The following SASH1 variants were observed in gnomAD, a reference collection of about 807,000 sequenced individuals.
SASH1 encodes SAM and SH3 domain-containing protein 1.
Under a neutral mutation model 125.2 loss-of-function variants are expected in SASH1, and 44 were observed. The observed-to-expected ratio is 0.35, with a 90% CI of 0.28 to 0.45. SASH1 has a LOEUF of 0.45. Among genes scored for constraint, SASH1 ranks in the 20% least tolerant of loss-of-function variants. The pLI, the probability that SASH1 is intolerant of heterozygous loss-of-function variation, is 1.00. For synonymous variants in SASH1, 639 were observed against 649.1 expected (o/e 0.98, Z 0.24); for missense variants, 1,426 against 1,614.5 (o/e 0.88, Z 2.00).
intron 8 of SASH1, among the ~76,000 whole-genome samples, chr6:148,499,349 A>G (rs1334180210): frequency 1.3e-5 from 2 of 152,194 alleles, no homozygotes; most frequent in East Asian, 3.8e-4. Flanking sequence ...TAATAGCATC[A>G]CATAATTAGT....
chr6:148,511,324 TAC>T (rs58822082), intron 8 of SASH1, among the ~76,000 whole-genome samples: 20,365 of 135,044 alleles, frequency 0.15, 1,431 homozygotes, highest in African/African-American at 0.16. Flanking sequence ...AATTTTCTAT[TAC>T]ACACACACAC....
intron 12 of SASH1, 111 bp from the exon 13 acceptor site, chr6:148,531,415 A>G (rs1406639920): frequency 6.7e-6 from 6 of 889,444 alleles, no homozygotes; most frequent in Non-Finnish European, 7.9e-6. Context: ...AGAATCAAAT[A>G]TAGGTATAGA....
intron 7 of SASH1, among the ~76,000 whole-genome samples, chr6:148,478,495 G>C (rs1203273835): frequency 1.3e-5 from 2 of 152,174 alleles, no homozygotes; most frequent in Non-Finnish European, 2.9e-5. Context: ...AACTGATGGA[G>C]ATAGAGAGTA....
rs1256499736 is a variant in SASH1, at chr6:148,352,642, T to TAAATAAAG, written c.156+9420_156+9421insAATAAAGA. On this transcript the variant is annotated intron_variant, in intron 1 of 19. Transcript: ENST00000367467. Reference sequence around the variant, plus strand: ...ATAAATAAATAAATAAATAAATAAATAGAACTGTGCATGACATACGATGAG... The same window carrying TAAATAAAG: ...ATAAATAAATAAATAAATAAATAAATAAATAAAGAGAACTGTGCATGACATACGATGAG... Among the ~76,000 whole-genome samples the TAAATAAAG allele has an allele frequency of 8.2e-4, 124 of 150,996 alleles. 2 individuals are homozygous for TAAATAAAG. The highest frequency in any genetic ancestry group is 1.4e-3 in the East Asian group (7 of 5,112).
chr6:148,270,817 G>A (rs1779043562), upstream of SASH1, among the ~76,000 whole-genome samples: 3 of 152,052 alleles, frequency 2.0e-5, no homozygotes, highest in South Asian at 6.2e-4. Flanking sequence ...ATGGTAGCCT[G>A]GGCAATGGCA....
At chr6:148,481,568 AG>A (rs1326946984) in intron 7 of SASH1, among the ~76,000 whole-genome samples, 7 of 152,176 alleles carry the variant, frequency 4.6e-5, no homozygotes, top group Admixed American at 3.9e-4. Flanking sequence ...AGGCGATTGC[AG>A]GGTTATTAAT....
At chr6:148,378,795 G>A (rs1783015407) in intron 1 of SASH1, among the ~76,000 whole-genome samples, 1 of 152,212 alleles carries the variant, frequency 6.6e-6, no homozygotes, top group African/African-American at 2.4e-5. Flanking sequence ...TGACAGAGGT[G>A]GGACTGGGTC....
At chr6:148,210,551 A>T in the SASH1 span, among the ~76,000 whole-genome samples, 8 of 152,204 alleles carry the variant, frequency 5.3e-5, no homozygotes, top group Non-Finnish European at 1.0e-4. Flanking sequence ...AAATACTTCA[A>T]AAAACTATAT....
intron 1 of SASH1, among the ~76,000 whole-genome samples, chr6:148,351,531 A>T (rs1781730558): frequency 6.6e-6 from 1 of 151,880 alleles, no homozygotes; most frequent in Non-Finnish European, 1.5e-5. Flanking sequence ...TTCTCCTAGC[A>T]TGAGGTAGTA....
At chr6:148,525,525 T>C (rs1435505801) in intron 11 of SASH1, among the ~76,000 whole-genome samples, 160 bp downstream of exon 11, 2 of 152,196 alleles carry the variant, frequency 1.3e-5, no homozygotes, top group African/African-American at 2.4e-5. Context: ...CCTTACAGAC[T>C]CCACTGTTCC....
intron 1 of SASH1, among the ~76,000 whole-genome samples, chr6:148,380,917 T>C (rs1783105660): frequency 6.6e-6 from 1 of 152,230 alleles, no homozygotes; most frequent in African/African-American, 2.4e-5. Context: ...TAAACATTCA[T>C]GTTTTTTGAT....
At chr6:148,388,290 T>C (rs1303215572) in intron 1 of SASH1, among the ~76,000 whole-genome samples, 2 of 152,166 alleles carry the variant, frequency 1.3e-5, no homozygotes, top group Non-Finnish European at 2.9e-5. Flanking sequence ...CCACGGTGCA[T>C]GTCCTCAGAG....
chr6:148,270,859 A>G (rs1779045821), upstream of SASH1, among the ~76,000 whole-genome samples: 1 of 151,116 alleles, frequency 6.6e-6, no homozygotes, highest in African/African-American at 2.4e-5. Context: ...AGAGAAATCT[A>G]GGGACAGGTC....
chr6:148,461,599 CA>C (rs1239974831), intron 4 of SASH1, among the ~76,000 whole-genome samples: 6 of 152,072 alleles, frequency 3.9e-5, no homozygotes, highest in Non-Finnish European at 7.4e-5. Flanking sequence ...AATCTTACAC[CA>C]AATCAACACC....
chr6:148,452,231 T>G (rs1321741581), intron 4 of SASH1, among the ~76,000 whole-genome samples: 1 of 152,228 alleles, frequency 6.6e-6, no homozygotes, highest in South Asian at 2.1e-4. Flanking sequence ...TGTTATGATA[T>G]TAGGTACTCT....
intron 1 of SASH1, among the ~76,000 whole-genome samples, chr6:148,325,173 C>G (rs111520531): frequency 2.6e-5 from 4 of 152,066 alleles, no homozygotes; most frequent in African/African-American, 9.7e-5. Context: ...AGAAAACTTA[C>G]AATCATTGCG....
In SASH1 at chr6:148,549,224, T is replaced by A. The variant is rs920958440; in HGVS notation, c.*666T>A. On this transcript the variant is annotated 3_prime_UTR_variant, in exon 20 of 20. Coordinates refer to ENST00000367467, the MANE Select transcript of SASH1 (RefSeq NM_015278.5). ...GTAACCATACTTCCACATCTTCAGC[T>A]TAGGCAGACATCGAACCTCTCTGGG... The A allele has an allele frequency of 1.1e-5, 2 of 181,956 alleles. No individual in the cohort carries two copies. Among genetic ancestry groups the A allele is most frequent in the African/African-American group, 4.7e-5 (2 of 42,876 alleles). 11.3% of individuals were successfully genotyped at this position (181,956 alleles called of 1,614,324 possible).
chr6:148,288,671 C>G (rs879775717), intron 1 of SASH1, among the ~76,000 whole-genome samples: 1 of 130,830 alleles, frequency 7.6e-6, no homozygotes, highest in Non-Finnish European at 1.6e-5. Context: ...CAGACACACA[C>G]GGAATACACA....
chr6:148,278,791 A>C (rs1779257610), intron 1 of SASH1: 1 of 149,120 alleles, frequency 6.7e-6, no homozygotes, highest in African/African-American at 2.6e-5. Flanking sequence ...TAAATAGTTA[A>C]AAAAAATCTG....
Sources: gnomAD v4.1 joint callset for allele counts (sites outside exome capture counted in the v4.1 genomes callset) on GRCh38, gnomAD v4.1.1 for gene constraint, MANE v1.5 for transcripts, NCBI Gene and HGNC (gene_info 2026-07-23, HGNC 2026-07-21) for gene names.